The following HEATR4 variants were observed in gnomAD, a reference collection of about 807,000 sequenced individuals.
HEATR4 encodes the protein HEAT repeat-containing protein 4.
A neutral mutation model predicts 108.8 loss-of-function variants in HEATR4; 95 were observed. That is an observed-to-expected ratio of 0.87 (90% confidence interval 0.74 to 1.04). The LOEUF (loss-of-function observed/expected upper bound fraction) is 1.04. Among genes scored for constraint, HEATR4 ranks in the 50% least tolerant of loss-of-function variants. The probability of loss-of-function intolerance (pLI) is 0.00; values close to 1 mark genes in which losing one functional copy is unlikely to be tolerated. For missense variants in HEATR4, 1,152 were observed against 1,253.8 expected (o/e 0.92, Z 1.23); for synonymous variants, 443 against 459.4 (o/e 0.96, Z 0.46).
At chr14:73,548,879 T>G (rs1889277574) in intron 1 of HEATR4, among the ~76,000 whole-genome samples, 1 of 114,380 alleles carries the variant, frequency 8.7e-6, no homozygotes, top group African/African-American at 2.8e-5. Context: ...GTGAAAGGAT[T>G]CACAGGTAAT....
chr14:73,590,273 G>C, the HEATR4 span, among the ~76,000 whole-genome samples: 1 of 152,140 alleles, frequency 6.6e-6, no homozygotes, highest in Non-Finnish European at 1.5e-5. Context: ...CTCCCCACTA[G>C]ATTAGCTAGA....
At chr14:73,540,280 T>C (rs1274517156) in intron 1 of HEATR4, among the ~76,000 whole-genome samples, 1 of 151,586 alleles carries the variant, frequency 6.6e-6, no homozygotes, top group Non-Finnish European at 1.5e-5. Flanking sequence ...ATGAGCAGTC[T>C]GGATTAATTT....
At chr14:73,516,508 T>C (rs1036189678) in intron 5 of HEATR4, among the ~76,000 whole-genome samples, 1 of 148,096 alleles carries the variant, frequency 6.8e-6, no homozygotes, top group Non-Finnish European at 1.5e-5. Context: ...ATCTCTGATA[T>C]TTAACCTCAT....
intron 15 of HEATR4, 110 bp downstream of exon 15, chr14:73,496,491 G>C (rs1310724546): frequency 1.5e-6 from 1 of 676,896 alleles, no homozygotes; most frequent in East Asian, 2.6e-5. Flanking sequence ...GTTTTAGAAA[G>C]TACTTCTATG....
the HEATR4 span, among the ~76,000 whole-genome samples, chr14:73,589,613 C>T: frequency 6.6e-6 from 1 of 152,210 alleles, no homozygotes. Context: ...GCCCCTGTGC[C>T]TAGCCTACCT....
chr14:73,504,863 G>A (rs534714288), intron 10 of HEATR4, among the ~76,000 whole-genome samples: 48 of 152,194 alleles, frequency 3.2e-4, no homozygotes, highest in Admixed American at 7.2e-4. Context: ...GGGAAATAAT[G>A]GCAAAAACGA....
intron 17 of HEATR4, among the ~76,000 whole-genome samples, chr14:73,487,563 A>G (rs1885499705): frequency 6.6e-6 from 1 of 151,978 alleles, no homozygotes; most frequent in Non-Finnish European, 1.5e-5. Flanking sequence ...GCAAGACTCT[A>G]TCTCAAAACA....
chr14:73,593,134 C>T, the HEATR4 span, among the ~76,000 whole-genome samples: 3 of 152,298 alleles, frequency 2.0e-5, no homozygotes, highest in Admixed American at 1.3e-4. Flanking sequence ...CACACTGTCT[C>T]TTCTCCACTT....
intron 2 of HEATR4, among the ~76,000 whole-genome samples, chr14:73,527,995 T>C (rs1888448085): frequency 6.7e-6 from 1 of 148,390 alleles, no homozygotes; most frequent in Non-Finnish European, 1.5e-5. Flanking sequence ...AGGAGTGATT[T>C]AGGATGTCCC....
rs1403382811 is a variant in HEATR4, at chr14:73,547,605, C to T, written c.-152+11146G>A. On this transcript the variant is annotated intron_variant, in intron 1 of 17. Coordinates refer to ENST00000553558, the MANE Select transcript of HEATR4 (RefSeq NM_001220484.1). ...GCATATTTAAAGTGTATAACATGGA[C>T]CAGGCACAGTAGCTCACGCCTGTAA... 1.7e-5 allele frequency among the ~76,000 whole-genome samples: 2 copies of T among 115,676 alleles called. 1 individual carries two copies. The highest frequency in any genetic ancestry group is 5.6e-5 in the African/African-American group (2 of 35,672). 75.9% of individuals were successfully genotyped at this position (115,676 alleles called of 152,430 possible).
the HEATR4 span, chr14:73,592,147 A>T: frequency 6.3e-7 from 1 of 1,592,842 alleles, no homozygotes; most frequent in Non-Finnish European, 8.5e-7. Flanking sequence ...CTGGACCTGG[A>T]GCGCGCACCC....
chr14:73,601,496 G>A, the HEATR4 span, among the ~76,000 whole-genome samples: 5 of 152,284 alleles, frequency 3.3e-5, no homozygotes, highest in South Asian at 8.3e-4. Flanking sequence ...CCTGGGAGGC[G>A]GAGATTGCAG....
intron 17 of HEATR4, chr14:73,491,386 G>T: frequency 1.5e-6 from 2 of 1,351,888 alleles, no homozygotes; most frequent in Non-Finnish European, 1.9e-6. Flanking sequence ...CGCGCCTGGT[G>T]CCCGCTTCCG....
At chr14:73,582,304 T>C in the HEATR4 span, 1 of 151,032 alleles carries the variant, frequency 6.6e-6, no homozygotes, top group East Asian at 1.9e-4. Flanking sequence ...CACAAGGTCA[T>C]AGTTCCCCTT....
At chr14:73,479,434 T>TCTTC (rs1885157381) in intron 17 of HEATR4, among the ~76,000 whole-genome samples, 19 of 103,898 alleles carry the variant, frequency 1.8e-4, no homozygotes, top group Non-Finnish European at 3.4e-4. Flanking sequence ...TTTCTTTCTT[T>TCTTC]CTTTCTTTTT....
Position 73,515,700 on chromosome 14 carries a change from A to C in HEATR4, c.1211-1466T>G, listed in dbSNP as rs1213327031. Among the ~76,000 whole-genome samples, 7 of 99,642 alleles carry C rather than the reference A, an allele frequency of 7.0e-5. No homozygotes were observed. The Admixed American group carries it at 7.3e-4, about 10-fold the overall frequency. 65.4% of individuals were successfully genotyped at this position (99,642 alleles called of 152,430 possible). A position where few individuals can be genotyped will look rare whatever the true frequency, so the allele number is the denominator to read the frequency against. On this transcript the variant is annotated intron_variant, in intron 5 of 17. Transcript: ENST00000553558. The stretch of plus-strand genomic sequence containing the variant: ...AAAAAAAAAAAAAAAAAAAAAAAAG[A>C]GTCCTGTGAGACTCCAGGGCAGTTT...
chr14:73,506,804 G>GTTTTTTTTTGTTTTGT (rs1886866522), intron 9 of HEATR4, among the ~76,000 whole-genome samples: 3 of 80,522 alleles, frequency 3.7e-5, no homozygotes, highest in Non-Finnish European at 6.7e-5. Flanking sequence ...GACTTTAACT[G>GTTTTTTTTTGTTTTGT]TTTTTTTTTT....
the HEATR4 span, among the ~76,000 whole-genome samples, chr14:73,576,788 A>T: frequency 8.0e-6 from 1 of 125,246 alleles, no homozygotes; most frequent in African/African-American, 3.0e-5. Flanking sequence ...AGCAAGACAC[A>T]GTCTCAAAAA....
At chr14:73,619,855 C>A in the HEATR4 span, 28 of 1,547,558 alleles carry the variant, frequency 1.8e-5, no homozygotes, top group Non-Finnish European at 2.4e-5. Flanking sequence ...TAGCCACAGA[C>A]CAGATACCAT....
Sources: allele counts gnomAD v4.1 joint callset (sites outside exome capture counted in the v4.1 genomes callset), GRCh38; gene constraint gnomAD v4.1.1; transcripts MANE v1.5; gene names NCBI Gene and HGNC (gene_info 2026-07-23, HGNC 2026-07-21).